The following PDE1A variants were observed in gnomAD, a reference collection of about 807,000 sequenced individuals.
PDE1A encodes the protein dual specificity calcium/calmodulin-dependent 3',5'-cyclic nucleotide phosphodiesterase 1A.
In PDE1A, 35 loss-of-function variants were observed where a neutral mutation model predicts 61.7. That is an observed-to-expected ratio of 0.57 (90% CI 0.43 to 0.75). PDE1A has a LOEUF of 0.75. Ranked by LOEUF, PDE1A falls within the 30% of genes least tolerant of loss-of-function variation. The pLI is 0.00. For synonymous variants in PDE1A, 232 were observed against 213.2 expected, an observed-to-expected ratio of 1.09 and a Z score of -0.77; for missense variants, 597 against 630.6, an observed-to-expected ratio of 0.95 and a Z score of 0.57.
At chr2:182,513,487 A>G (rs72888898) in intron 2 of PDE1A, among the ~76,000 whole-genome samples, 140 of 152,350 alleles carry the variant, frequency 9.2e-4, no homozygotes, top group Non-Finnish European at 1.8e-3. Flanking sequence ...ACCAGCCACC[A>G]CAAAAGTACA....
chr2:182,624,899 GC>G, the PDE1A span, among the ~76,000 whole-genome samples: 693 of 152,116 alleles, frequency 4.6e-3, 5 homozygotes, highest in Non-Finnish European at 5.6e-3. Flanking sequence ...TACTTCAGCT[GC>G]CCCCTACAAT....
chr2:182,381,846 C>A (rs1415494007), intron 1 of PDE1A, among the ~76,000 whole-genome samples: 1 of 151,548 alleles, frequency 6.6e-6, no homozygotes, highest in Non-Finnish European at 1.5e-5. Flanking sequence ...ATTATATTAA[C>A]TGAGTTTAAT....
chr2:182,214,299 A>G (rs1328967438), intron 7 of PDE1A, among the ~76,000 whole-genome samples: 6 of 152,058 alleles, frequency 3.9e-5, no homozygotes, highest in East Asian at 3.9e-4. Context: ...AGTACCAGCC[A>G]CTGCAAAATC....
At chr2:182,309,961 C>A (rs1025017112) in intron 1 of PDE1A, among the ~76,000 whole-genome samples, 3 of 151,972 alleles carry the variant, frequency 2.0e-5, no homozygotes, top group African/African-American at 7.2e-5. Flanking sequence ...TAAAAAACAT[C>A]AAATTGGTTT....
At chr2:182,288,776 T>C (rs543794374) in intron 1 of PDE1A, among the ~76,000 whole-genome samples, 3 of 152,116 alleles carry the variant, frequency 2.0e-5, no homozygotes, top group East Asian at 1.9e-4. Context: ...CTCTCTGACT[T>C]TGCCACTTCA....
the PDE1A span, among the ~76,000 whole-genome samples, chr2:182,703,590 A>G: frequency 4.6e-5 from 7 of 152,314 alleles, no homozygotes; most frequent in African/African-American, 1.7e-4. Context: ...AAAAAATGTC[A>G]TAAATGGAAT....
chr2:182,677,768 GA>G, the PDE1A span, among the ~76,000 whole-genome samples: 1 of 152,170 alleles, frequency 6.6e-6, no homozygotes, highest in African/African-American at 2.4e-5. Context: ...CAAGCAATGG[GA>G]AAAGGACTCC....
the PDE1A span, among the ~76,000 whole-genome samples, chr2:182,570,853 G>A: frequency 1.3e-5 from 2 of 152,156 alleles, no homozygotes; most frequent in African/African-American, 2.4e-5. Context: ...AATGGCACGG[G>A]ATAGAGATAA....
intron 2 of PDE1A, among the ~76,000 whole-genome samples, chr2:182,252,550 C>T (rs1482602866): frequency 6.6e-6 from 1 of 151,960 alleles, no homozygotes; most frequent in Non-Finnish European, 1.5e-5. Context: ...TGTGATTGTC[C>T]AAAGATACCC....
chr2:182,662,371 G>A, the PDE1A span, among the ~76,000 whole-genome samples: 13 of 137,578 alleles, frequency 9.4e-5, no homozygotes, highest in African/African-American at 2.2e-4. Context: ...ACTTTTTCCC[G>A]AATAGCCACG....
At chr2:182,589,161 CA>C in the PDE1A span, among the ~76,000 whole-genome samples, 5 of 119,310 alleles carry the variant, frequency 4.2e-5, no homozygotes, top group African/African-American at 1.6e-4. Context: ...AAAGAGAAAA[CA>C]GAAGGAAAGA....
the PDE1A span, among the ~76,000 whole-genome samples, chr2:182,617,234 G>A: frequency 6.6e-6 from 1 of 152,078 alleles, no homozygotes; most frequent in Non-Finnish European, 1.5e-5. Context: ...CCATATGAGT[G>A]GTCAATCATG....
the PDE1A span, among the ~76,000 whole-genome samples, chr2:182,650,212 C>T: frequency 1.3e-4 from 20 of 152,068 alleles, no homozygotes; most frequent in African/African-American, 4.8e-5. Flanking sequence ...GGGTCTCAGA[C>T]TATGGGAAAA....
At chr2:182,349,568 G>A (rs988747629) in intron 1 of PDE1A, among the ~76,000 whole-genome samples, 5 of 152,190 alleles carry the variant, frequency 3.3e-5, no homozygotes, top group Admixed American at 2.6e-4. Context: ...TGATTAGAAA[G>A]ATTAAGATTT....
At chr2:182,273,732 A>G (rs980281275) in intron 1 of PDE1A, among the ~76,000 whole-genome samples, 4 of 152,068 alleles carry the variant, frequency 2.6e-5, no homozygotes, top group Non-Finnish European at 4.4e-5. Flanking sequence ...GAAAGAATGA[A>G]AGTGAGGAGA....
intron 10 of PDE1A, among the ~76,000 whole-genome samples, chr2:182,194,981 T>C (rs572435139): frequency 7.1e-6 from 1 of 141,136 alleles, no homozygotes; most frequent in Non-Finnish European, 1.5e-5. Context: ...TTTGCTACTT[T>C]TCTGATTTTT....
At chr2:182,351,274 A>G (rs959805588) in intron 1 of PDE1A, among the ~76,000 whole-genome samples, 6 of 152,190 alleles carry the variant, frequency 3.9e-5, no homozygotes, top group Non-Finnish European at 7.3e-5. Flanking sequence ...CTAAATTTCC[A>G]TTTTTTAAAT....
intron 2 of PDE1A, among the ~76,000 whole-genome samples, chr2:182,452,340 C>T (rs959757081): frequency 6.6e-6 from 1 of 151,982 alleles, no homozygotes; most frequent in Non-Finnish European, 1.5e-5. Flanking sequence ...TTTACATGCA[C>T]CTGAAGGAAA....
intron 13 of PDE1A, among the ~76,000 whole-genome samples, chr2:182,181,810 C>T (rs891331409): frequency 3.9e-5 from 6 of 152,094 alleles, no homozygotes; most frequent in African/African-American, 4.8e-5. Flanking sequence ...TGGACACAGC[C>T]GCTTTGCTGT....
Sources: allele counts gnomAD v4.1 joint callset (sites outside exome capture counted in the v4.1 genomes callset), GRCh38; gene constraint gnomAD v4.1.1; transcripts MANE v1.5; gene names NCBI Gene and HGNC (gene_info 2026-07-23, HGNC 2026-07-21).